STT3B: variants seen among roughly 807,000 people sequenced by gnomAD.
STT3B encodes the protein dolichyl-diphosphooligosaccharide--protein glycosyltransferase subunit STT3B.
Under a neutral mutation model 96.8 loss-of-function variants are expected in STT3B, and 29 were observed. The observed-to-expected ratio is 0.30, with a 90% CI of 0.22 to 0.41. STT3B has a LOEUF of 0.41. STT3B is among the 10% of genes least tolerant of loss of function. The pLI, the probability that STT3B is intolerant of heterozygous loss-of-function variation, is 1.00. For missense variants in STT3B, 640 were observed against 1,022.3 expected, an observed-to-expected ratio of 0.63 and a Z score of 5.10; for synonymous variants, 367 against 360.0, an observed-to-expected ratio of 1.02 and a Z score of -0.22.
rs566542290 is a variant in STT3B at position 31,588,252 on chromosome 3, A to G, written c.711+8156A>G. Among the ~76,000 whole-genome samples, 5 of 152,204 alleles carry G rather than the reference A, an allele frequency of 3.3e-5. No individual in the cohort carries two copies. In the South Asian group the frequency reaches 8.3e-4, roughly 25 times the overall value. On this transcript the variant is annotated intron_variant, in intron 3 of 15. Coordinates refer to ENST00000295770, the MANE Select transcript of STT3B (RefSeq NM_178862.3). ...TAAGATAGTCACTGGCCGCATGTAT[A>G]TGGACTTTTTTTTTGTGCAGGTACT...
chr3:31,621,686 T>C (rs1420186042), intron 9 of STT3B, among the ~76,000 whole-genome samples: 1 of 152,232 alleles, frequency 6.6e-6, no homozygotes, highest in Non-Finnish European at 1.5e-5. Context: ...GTTTTTGTTT[T>C]AAAGCAGGTT....
At chr3:31,542,972 A>G (rs1489521392) in intron 1 of STT3B, among the ~76,000 whole-genome samples, 6 of 149,820 alleles carry the variant, frequency 4.0e-5, no homozygotes, top group Non-Finnish European at 8.9e-5. Flanking sequence ...AGGCTGGGGC[A>G]GGAGAATTGT....
intron 1 of STT3B, among the ~76,000 whole-genome samples, chr3:31,563,436 T>C (rs1559366926): frequency 6.6e-6 from 1 of 152,320 alleles, no homozygotes; most frequent in Admixed American, 6.5e-5. Flanking sequence ...ATTTTTCAGA[T>C]AGGCAAGCAA....
At position 31,556,500 on chromosome 3, in the gene STT3B, A is replaced by G. The variant is rs185500232; in HGVS notation, c.315-19896A>G. Among the ~76,000 whole-genome samples, 15 of 152,282 alleles carry G rather than the reference A, an allele frequency of 9.9e-5. No homozygotes were observed. The East Asian group carries it at 2.5e-3, about 25-fold the overall frequency. ...CACACTCTTTTCCAAGTGGCCATAT[A>G]ATTTATGTTCCCAAAGCAATGTATA... On this transcript the variant is annotated intron_variant, in intron 1 of 15. Coordinates refer to ENST00000295770, the MANE Select transcript of STT3B (RefSeq NM_178862.3).
At chr3:31,630,254 A>G (rs1699626175) in intron 14 of STT3B, among the ~76,000 whole-genome samples, 1 of 152,266 alleles carries the variant, frequency 6.6e-6, no homozygotes, top group Non-Finnish European at 1.5e-5. Flanking sequence ...ATTCTCCTTT[A>G]CTGGAGACAA....
At chr3:31,570,487 A>G (rs1276231211) in intron 1 of STT3B, among the ~76,000 whole-genome samples, 1 of 152,196 alleles carries the variant, frequency 6.6e-6, no homozygotes, top group Non-Finnish European at 1.5e-5. Context: ...AAGTGAGAAT[A>G]AAGTACTTGG....
intron 3 of STT3B, among the ~76,000 whole-genome samples, chr3:31,583,410 A>G (rs1345129326): frequency 6.6e-6 from 1 of 151,782 alleles, no homozygotes. Context: ...GGCTCAAGCA[A>G]TCCTCCCTCC....
intron 1 of STT3B, among the ~76,000 whole-genome samples, chr3:31,546,694 C>G (rs1031284349): frequency 6.6e-6 from 1 of 152,180 alleles, no homozygotes; most frequent in Admixed American, 6.5e-5. Context: ...CTGTTCATGT[C>G]TCTCCCAAAG....
intron 1 of STT3B, among the ~76,000 whole-genome samples, chr3:31,560,933 A>T (rs962838754): frequency 6.6e-6 from 1 of 151,996 alleles, no homozygotes; most frequent in African/African-American, 2.4e-5. Context: ...GACTTTGTTC[A>T]TGTTTTTAAA....
At chr3:31,623,451 G>A (rs1423271086) in intron 10 of STT3B, among the ~76,000 whole-genome samples, 3 of 152,106 alleles carry the variant, frequency 2.0e-5, no homozygotes, top group Non-Finnish European at 2.9e-5. Context: ...TAATTATTTT[G>A]CTCTGTGACC....
chr3:31,616,643 C>A (rs1304338878), intron 6 of STT3B, among the ~76,000 whole-genome samples: 1 of 151,346 alleles, frequency 6.6e-6, no homozygotes, highest in Non-Finnish European at 1.5e-5. Flanking sequence ...AAGGGAGGAA[C>A]TTAATGTGTT....
intron 1 of STT3B, among the ~76,000 whole-genome samples, chr3:31,552,972 C>G (rs948050761): frequency 4.6e-5 from 7 of 151,670 alleles, no homozygotes; most frequent in South Asian, 4.2e-4. Context: ...CATGGTGGCG[C>G]GTGCCTGTAG....
Position 31,600,343 on chromosome 3 carries a change from C to G in STT3B, c.778-17C>G. 8.8e-7 allele frequency: 1 copy of G among 1,134,400 alleles called. No individual in the cohort carries two copies. Among genetic ancestry groups the G allele is most frequent in the South Asian group, 1.5e-5 (1 of 66,414 alleles). The allele number at this position is 1,134,400 out of a possible 1,614,324, so 70.3% of individuals were successfully genotyped here. Reference sequence around the variant, plus strand: ...AAGTAAAAATATATATTTAACTTAGCACTTCTTTTCCTATAGGTCTCTGCT... The same window carrying G: ...AAGTAAAAATATATATTTAACTTAGGACTTCTTTTCCTATAGGTCTCTGCT... On this transcript the variant is annotated splice_polypyrimidine_tract_variant and intron_variant, in intron 4 of 15. Transcript: ENST00000295770.
intron 1 of STT3B, among the ~76,000 whole-genome samples, chr3:31,559,770 T>C (rs1310948565): frequency 3.9e-5 from 6 of 152,144 alleles, no homozygotes; most frequent in African/African-American, 1.4e-4. Context: ...ATCTATCTGA[T>C]GGTGAGAGTG....
At chr3:31,543,155 G>T (rs1697322401) in intron 1 of STT3B, among the ~76,000 whole-genome samples, 1 of 151,708 alleles carries the variant, frequency 6.6e-6, no homozygotes, top group South Asian at 2.1e-4. Context: ...TACGTGAGAG[G>T]TCTAGGTACA....
intron 1 of STT3B, among the ~76,000 whole-genome samples, chr3:31,552,971 G>A (rs909860256): frequency 2.9e-4 from 44 of 151,662 alleles, no homozygotes; most frequent in Non-Finnish European, 2.6e-4. Flanking sequence ...GCATGGTGGC[G>A]CGTGCCTGTA....
At chr3:31,575,971 T>C (rs1698255249) in intron 1 of STT3B, among the ~76,000 whole-genome samples, 1 of 152,112 alleles carries the variant, frequency 6.6e-6, no homozygotes, top group Admixed American at 6.6e-5. Context: ...ATAGTGCTGC[T>C]ATGGTTTATT....
Position 31,581,384 on chromosome 3 carries a change from A to G in STT3B, c.711+1288A>G, listed in dbSNP as rs955453980. On this transcript the variant is annotated intron_variant, in intron 3 of 15. Coordinates refer to ENST00000295770, the MANE Select transcript of STT3B (RefSeq NM_178862.3). Reference sequence around the variant, plus strand: ...GTTCATAACTATTTTAATATTCTCTACACTTGTGTATGTTTCAAATACTTT... The same window carrying G: ...GTTCATAACTATTTTAATATTCTCTGCACTTGTGTATGTTTCAAATACTTT... Among the ~76,000 whole-genome samples, 4 of 152,288 alleles carry G rather than the reference A, an allele frequency of 2.6e-5. 1 individual carries two copies. Among genetic ancestry groups the G allele is most frequent in the East Asian group, 1.9e-4 (1 of 5,186 alleles).
chr3:31,617,157 T>A, intron 7 of STT3B, 82 bp downstream of exon 7: 1 of 1,062,622 alleles, frequency 9.4e-7, no homozygotes, highest in Non-Finnish European at 1.3e-6. Context: ...AAAATCTGAA[T>A]AACAGCATGA....
Sources: allele counts gnomAD v4.1 joint callset (sites outside exome capture counted in the v4.1 genomes callset), GRCh38; gene constraint gnomAD v4.1.1; transcripts MANE v1.5; gene names NCBI Gene and HGNC (gene_info 2026-07-23, HGNC 2026-07-21).